NDST4: variants seen among roughly 807,000 people sequenced by gnomAD.
The protein encoded by NDST4 is N-deacetylase and N-sulfotransferase 4.
Under a neutral mutation model 100.8 loss-of-function variants are expected in NDST4, and 63 were observed. The ratio of observed to expected loss-of-function variants is 0.62; its 90% CI spans 0.51 to 0.77. The LOEUF is 0.77. Among genes scored for constraint, NDST4 ranks in the 30% least tolerant of loss-of-function variants. NDST4 has a pLI of 0.00. For synonymous variants in NDST4, 377 were observed against 361.8 expected (o/e 1.04, Z -0.48); for missense variants, 943 against 1,018.4 (o/e 0.93, Z 1.01).
chr4:115,078,091 T>C (rs1729227733), intron 1 of NDST4, among the ~76,000 whole-genome samples: 1 of 152,180 alleles, frequency 6.6e-6, no homozygotes, highest in South Asian at 2.1e-4. Context: ...GAATGTAGAA[T>C]GCATTTGTAT....
At chr4:114,852,896 A>G (rs1723708440) in intron 7 of NDST4, 75 bp from the exon 8 acceptor site, 2 of 1,016,098 alleles carry the variant, frequency 2.0e-6, no homozygotes, top group Middle Eastern at 2.1e-4. Flanking sequence ...TGTTCAAAAG[A>G]TGGAATCAAA....
chr4:114,898,253 G>T (rs1205265528), intron 6 of NDST4, among the ~76,000 whole-genome samples: 1 of 152,088 alleles, frequency 6.6e-6, no homozygotes, highest in Admixed American at 6.6e-5. Context: ...AAGGTGTCTA[G>T]ATTTATTTAT....
At chr4:114,832,766 C>G (rs752501944) in intron 12 of NDST4, among the ~76,000 whole-genome samples, 6 of 152,164 alleles carry the variant, frequency 3.9e-5, no homozygotes, top group African/African-American at 1.4e-4. Context: ...AAGGACTTGG[C>G]TGTCTTGGAC....
chr4:115,052,956 C>A (rs1047440376), intron 2 of NDST4, among the ~76,000 whole-genome samples: 57 of 152,096 alleles, frequency 3.7e-4, no homozygotes, highest in African/African-American at 1.4e-3. Flanking sequence ...CAAACGTAAA[C>A]CACGTTAAAG....
chr4:115,036,703 G>A (rs181804271), intron 2 of NDST4, among the ~76,000 whole-genome samples: 1 of 151,870 alleles, frequency 6.6e-6, no homozygotes, highest in Non-Finnish European at 1.5e-5. Context: ...TATCATAAAG[G>A]CATACTTTAA....
intron 2 of NDST4, among the ~76,000 whole-genome samples, chr4:115,033,129 G>GTA (rs1728149735): frequency 1.1e-4 from 6 of 55,898 alleles, no homozygotes; most frequent in African/African-American, 4.3e-4. Flanking sequence ...ATATATATAT[G>GTA]TGTATATATA....
intron 2 of NDST4, among the ~76,000 whole-genome samples, chr4:115,020,845 A>G (rs1727795735): frequency 6.6e-6 from 1 of 152,160 alleles, no homozygotes; most frequent in African/African-American, 2.4e-5. Context: ...GGAAATGCAA[A>G]TCAAAACCAC....
intron 1 of NDST4, among the ~76,000 whole-genome samples, chr4:115,077,603 TGTC>T: frequency 6.6e-6 from 1 of 152,196 alleles, no homozygotes; most frequent in Non-Finnish European, 1.5e-5. Flanking sequence ...TAACAAAGTA[TGTC>T]AGTTACCATA....
chr4:114,949,999 T>C (rs1725954052), intron 4 of NDST4, among the ~76,000 whole-genome samples: 1 of 151,994 alleles, frequency 6.6e-6, no homozygotes. Context: ...ATTTAGAAGA[T>C]TATAGGAGAG....
intron 4 of NDST4, among the ~76,000 whole-genome samples, chr4:114,969,871 T>C (rs1726470991): frequency 6.6e-6 from 1 of 152,216 alleles, no homozygotes; most frequent in African/African-American, 2.4e-5. Context: ...TGTTTTAAGT[T>C]CTTTGAGAAA....
intron 6 of NDST4, among the ~76,000 whole-genome samples, chr4:114,873,353 G>A (rs1429572383): frequency 6.6e-6 from 1 of 151,344 alleles, no homozygotes; most frequent in Admixed American, 6.6e-5. Context: ...CTAAATATTA[G>A]TTGACAATGA....
chr4:115,050,132 T>A (rs1009273969), intron 2 of NDST4, among the ~76,000 whole-genome samples: 9 of 152,128 alleles, frequency 5.9e-5, no homozygotes, highest in Non-Finnish European at 1.2e-4. Flanking sequence ...AAATTTTCCT[T>A]CCCATAAAAA....
intron 2 of NDST4, among the ~76,000 whole-genome samples, chr4:114,986,832 A>ATATATATATATATATATATATATTTTTTT: frequency 1.1e-5 from 1 of 94,664 alleles, no homozygotes; most frequent in Non-Finnish European, 2.2e-5. Context: ...ATATATATAT[A>ATATATATATATATATATATATATTTTTTT]TTTTAATATA....
At position 114,895,265 on chromosome 4, in the gene NDST4, A is replaced by G. The variant is rs532277799; in HGVS notation, c.1537-24315T>C. On this transcript the variant is annotated intron_variant, in intron 6 of 13. Transcript: ENST00000264363. ...ATACTAAGAAAGAAGAAGAGAGAGA[A>G]GAATCAAATAGACACAATTGAAAAT... is the stretch of plus-strand genomic sequence containing the variant. Among the ~76,000 whole-genome samples, 30 of 152,252 alleles carry G rather than the reference A, an allele frequency of 2.0e-4. No homozygotes were observed. The South Asian group carries it at 6.0e-3, about 30-fold the overall frequency.
At chr4:114,985,622 TAAG>T (rs1272022748) in intron 2 of NDST4, among the ~76,000 whole-genome samples, 6 of 152,170 alleles carry the variant, frequency 3.9e-5, no homozygotes, top group African/African-American at 1.4e-4. Context: ...ACAAAACTGG[TAAG>T]TTTTCTGGTT....
At chr4:115,091,619 AGTT>A (rs1729522172) in intron 1 of NDST4, among the ~76,000 whole-genome samples, 1 of 152,120 alleles carries the variant, frequency 6.6e-6, no homozygotes, top group Non-Finnish European at 1.5e-5. Context: ...TATATTTTAA[AGTT>A]GTCACATTAT....
chr4:115,042,777 C>T (rs1326232788), intron 2 of NDST4, among the ~76,000 whole-genome samples: 1 of 152,068 alleles, frequency 6.6e-6, no homozygotes, highest in Non-Finnish European at 1.5e-5. Context: ...GCTGTTTGAA[C>T]TCAGAGAGGT....
chr4:115,062,379 T>C (rs566225294), intron 2 of NDST4, among the ~76,000 whole-genome samples: 1 of 152,072 alleles, frequency 6.6e-6, no homozygotes, highest in Non-Finnish European at 1.5e-5. Context: ...TAGGCTCAGA[T>C]CATTTTAGAA....
At chr4:114,971,896 C>T (rs1726522987) in intron 3 of NDST4, among the ~76,000 whole-genome samples, 1 of 151,954 alleles carries the variant, frequency 6.6e-6, no homozygotes, top group Non-Finnish European at 1.5e-5. Flanking sequence ...GTTAACCTCT[C>T]TAGGTCTTAG....
Sources: gnomAD v4.1 joint callset for allele counts (sites outside exome capture counted in the v4.1 genomes callset) on GRCh38, gnomAD v4.1.1 for gene constraint, MANE v1.5 for transcripts, NCBI Gene and HGNC (gene_info 2026-07-23, HGNC 2026-07-21) for gene names.